SLC25A25: variants seen among roughly 807,000 people sequenced by gnomAD.
SLC25A25 encodes the protein mitochondrial adenyl nucleotide antiporter SLC25A25.
SLC25A25 carries 32 observed loss-of-function variants against 57.7 expected under a neutral mutation model. The ratio of observed to expected loss-of-function variants is 0.55; its 90% confidence interval spans 0.42 to 0.74. The LOEUF (loss-of-function observed/expected upper bound fraction) is 0.74. Among genes scored for constraint, SLC25A25 ranks in the 30% least tolerant of loss-of-function variants. The pLI, the probability that SLC25A25 is intolerant of heterozygous loss-of-function variation, is 0.00. For synonymous variants in SLC25A25, 306 were observed against 291.2 expected (o/e 1.05, Z -0.52); for missense variants, 556 against 701.3 (o/e 0.79, Z 2.34).
Position 128,103,761 on chromosome 9 carries a change from C to T in SLC25A25, c.705C>T (p.His235=). The change falls in exon 6 of 11, where the codon CAC becomes CAT. Residue 235 remains histidine, a synonymous_variant. Transcript: ENST00000373069. This position sits in a 1 kb window ranked among gnomAD's most constrained non-coding sequence, Gnocchi z 6.7. ...GGCAGACGGGGATGTGGTGGAGACA[C>T]CTGGTGGCAGGAGGTGGGGCAGGGG... ...EERQTGMWWR[H]LVAGGGAGAV... 6.2e-7 allele frequency: 1 copy of T among 1,614,072 alleles called. No individual in the cohort carries two copies. The highest frequency in any genetic ancestry group is 8.5e-7 in the Non-Finnish European group (1 of 1,179,988).
At chr9:128,070,084 ATTTTTTTT>A (rs71381724) in intron 1 of SLC25A25, among the ~76,000 whole-genome samples, 1 of 6,360 alleles carries the variant, frequency 1.6e-4, no homozygotes, top group Non-Finnish European at 3.8e-4. Context: ...CACCCAGCTA[ATTTTTTTT>A]TTTTTTTTTT....
At chr9:128,098,435 A>G in intron 1 of SLC25A25, 1 of 1,407,674 alleles carries the variant, frequency 7.1e-7, no homozygotes, top group Non-Finnish European at 9.3e-7. Flanking sequence ...TCAATTAAGT[A>G]AAAGGGCAGG....
At chr9:128,079,484 C>T (rs757127260) in intron 1 of SLC25A25, among the ~76,000 whole-genome samples, 3 of 145,178 alleles carry the variant, frequency 2.1e-5, no homozygotes, top group Non-Finnish European at 4.5e-5. Context: ...ACTGGCTGGG[C>T]GTTGTGGCTC....
rs561350806 is a variant in SLC25A25 at position 128,107,957 on chromosome 9, C to G, written c.*513C>G. ...ATGATGAAAGGTGAGGTCACGTGGC[C>G]TCCCAGGCCTGACTTCCCAACCTAC... On this transcript the variant is annotated 3_prime_UTR_variant, in exon 11 of 11. Coordinates refer to ENST00000373069, the MANE Select transcript of SLC25A25 (RefSeq NM_001330988.2). The G allele has an allele frequency of 2.5e-6, 1 of 399,076 alleles. No individual in the cohort carries two copies. Among genetic ancestry groups the G allele is most frequent in the Non-Finnish European group, 4.4e-6 (1 of 226,382 alleles). The allele number at this position is 399,076 out of a possible 1,614,324, so 24.7% of individuals were successfully genotyped here.
intron 1 of SLC25A25, chr9:128,098,419 CTT>C: frequency 7.3e-7 from 1 of 1,378,540 alleles, no homozygotes; most frequent in Non-Finnish European, 9.4e-7. Context: ...GGGCTTTTTT[CTT>C]TTTTCAATTA....
chr9:128,092,606 G>A (rs907818923), intron 1 of SLC25A25, among the ~76,000 whole-genome samples: 4 of 152,212 alleles, frequency 2.6e-5, no homozygotes, highest in South Asian at 2.1e-4. Flanking sequence ...AGGAGAGGCT[G>A]GAGTCATGAG....
chr9:128,076,143 A>AT (rs1833006385), intron 1 of SLC25A25, among the ~76,000 whole-genome samples: 1 of 151,930 alleles, frequency 6.6e-6, no homozygotes, highest in East Asian at 1.9e-4. Context: ...TTATTTATTT[A>AT]TTATTTGAAA....
rs371554030 is a variant in SLC25A25, at chr9:128,101,271, G to C, written c.389-38G>C. On this transcript the variant is annotated intron_variant, in intron 2 of 10. Transcript: ENST00000373069. This position sits in a 1 kb window ranked among gnomAD's most constrained non-coding sequence, Gnocchi z 4.9. ...GGCCGGTCCAGCCTCGGGCCTCCCC[G>C]TGCGCCTGGCTCCTGCTCACGGCCT... 1.7e-5 allele frequency: 27 copies of C among 1,614,094 alleles called. No individual in the cohort carries two copies. The African/African-American group carries it at 3.6e-4, about 22-fold the overall frequency.
Position 128,068,591 on chromosome 9 carries a change from C to T in SLC25A25, c.261+11C>T. 1 of 1,411,206 alleles carries T rather than the reference C, an allele frequency of 7.1e-7. No individual in the cohort carries two copies. Among genetic ancestry groups the T allele is most frequent in the South Asian group, 1.6e-5 (1 of 63,964 alleles). The allele number at this position is 1,411,206 out of a possible 1,614,324, so 87.4% of individuals were successfully genotyped here. A position where few individuals can be genotyped will look rare whatever the true frequency, so the allele number is the denominator to read the frequency against. ...GAGGGCGAGCTCCAGGTAGGCTGCGCGCGTCCTCAGCACTGGCGGGGAGGG... is the reference window on the plus strand; with the variant it reads ...GAGGGCGAGCTCCAGGTAGGCTGCGTGCGTCCTCAGCACTGGCGGGGAGGG... On this transcript the variant is annotated intron_variant, in intron 1 of 10. Coordinates refer to ENST00000373069, the MANE Select transcript of SLC25A25 (RefSeq NM_001330988.2).
In SLC25A25 at chr9:128,091,942, G is replaced by A. The variant is rs780122824; in HGVS notation, c.262-9154G>A. On this transcript the variant is annotated intron_variant, in intron 1 of 10. Transcript: ENST00000373069. ...CTGGGTGCCACGGCTCCAGAGAGGG[G>A]GACGATCGTGAAGTCAGAGGCACCC... 1.7e-5 allele frequency: 28 copies of A among 1,613,762 alleles called. 1 individual carries two copies. The highest frequency in any genetic ancestry group is 1.7e-5 in the Non-Finnish European group (20 of 1,179,864).
Position 128,095,883 on chromosome 9 carries a change from CT to C in SLC25A25, c.262-5209del, listed in dbSNP as rs1833543632. 1.3e-5 allele frequency among the ~76,000 whole-genome samples: 2 copies of C among 152,122 alleles called. No homozygotes were observed. Reference sequence around the variant, plus strand: ...AGTATCATTTTCAAATCTCAGATTTCTTTTGTTAAATACATTATAAAACTCA... The same window carrying C: ...AGTATCATTTTCAAATCTCAGATTTCTTTGTTAAATACATTATAAAACTCA... On this transcript the variant is annotated intron_variant, in intron 1 of 10. Coordinates refer to ENST00000373069, the MANE Select transcript of SLC25A25 (RefSeq NM_001330988.2). This position sits in a 1 kb window ranked among gnomAD's most constrained non-coding sequence, Gnocchi z 4.4.
At chr9:128,085,584 G>A (rs1489501982) in intron 1 of SLC25A25, among the ~76,000 whole-genome samples, 1 of 152,166 alleles carries the variant, frequency 6.6e-6, no homozygotes, top group Non-Finnish European at 1.5e-5. Context: ...AGGCATGATC[G>A]CTAACACCTA....
rs1315501906 is a variant in SLC25A25, at chr9:128,083,513, C to CTTT, written c.261+14945_261+14947dup. Reference sequence around the variant, plus strand: ...AATATTTCTTTTTTTTTTCTTTTTTCTTTTTTTTTTTTTTGAGATGAAGTC... The same window carrying CTTT: ...AATATTTCTTTTTTTTTTCTTTTTTCTTTTTTTTTTTTTTTTTGAGATGAAGTC... On this transcript the variant is annotated intron_variant, in intron 1 of 10. Transcript: ENST00000373069. Among the ~76,000 whole-genome samples, 722 of 117,464 alleles carry CTTT rather than the reference C, an allele frequency of 6.1e-3. 34 individuals are homozygous for CTTT. Among genetic ancestry groups the CTTT allele is most frequent in the African/African-American group, 0.019 (594 of 31,094 alleles). 77.1% of individuals were successfully genotyped at this position (117,464 alleles called of 152,430 possible).
chr9:128,100,968 C>G, intron 1 of SLC25A25, 128 bp from the exon 2 acceptor site: 2 of 1,266,884 alleles, frequency 1.6e-6, no homozygotes, highest in Non-Finnish European at 2.2e-6. Flanking sequence ...GGAGCAGAAG[C>G]ATCTTGGGTC....
chr9:128,099,782 T>C lies in SLC25A25; in HGVS notation c.262-1314T>C, dbSNP rs565040281. 3.3e-5 allele frequency among the ~76,000 whole-genome samples: 5 copies of C among 152,282 alleles called. No homozygotes were observed. In the East Asian group the frequency reaches 9.6e-4, roughly 29 times the overall value. ...ATCACAAGGCGCTGTCAGTAGTGTG[T>C]CTAAGAGAGAGGCGCGGTGGTGATC... On this transcript the variant is annotated intron_variant, in intron 1 of 10. Transcript: ENST00000373069. The surrounding 1 kb of genome is among the most constrained non-coding windows in gnomAD (Gnocchi z 6.8).
At chr9:128,079,179 AT>A (rs1781183096) in intron 1 of SLC25A25, among the ~76,000 whole-genome samples, 1 of 152,124 alleles carries the variant, frequency 6.6e-6, no homozygotes, top group South Asian at 2.1e-4. Flanking sequence ...GAGATAAATC[AT>A]GACTCATTTT....
intron 1 of SLC25A25, chr9:128,098,579 T>C: frequency 6.2e-7 from 1 of 1,614,074 alleles, no homozygotes; most frequent in South Asian, 1.1e-5. Flanking sequence ...GCTCTGTCTG[T>C]GCCTGTATGT....
At position 128,101,034 on chromosome 9, in the gene SLC25A25, A is replaced by C; in HGVS notation, c.262-62A>C. On this transcript the variant is annotated intron_variant, in intron 1 of 10. Transcript: ENST00000373069. The surrounding 1 kb of genome is among the most constrained non-coding windows in gnomAD (Gnocchi z 4.9). Reference sequence around the variant, plus strand: ...AGTCATTGCCTGGGGATGGGGCCCCACAAGGGACAAGGAAAGGCTGGTCCA... The same window carrying C: ...AGTCATTGCCTGGGGATGGGGCCCCCCAAGGGACAAGGAAAGGCTGGTCCA... The C allele has an allele frequency of 6.2e-7, 1 of 1,607,090 alleles. No homozygotes were observed. Among genetic ancestry groups the C allele is most frequent in the Admixed American group, 1.7e-5 (1 of 59,370 alleles).
At chr9:128,076,438 T>TTTTTTATTTTTATTTTTA (rs373449898) in intron 1 of SLC25A25, among the ~76,000 whole-genome samples, 2 of 136,116 alleles carry the variant, frequency 1.5e-5, no homozygotes, top group African/African-American at 6.4e-5. Flanking sequence ...GCCTAACTTT[T>TTTTTTATTTTTATTTTTA]TTTTTATTTT....
Sources: allele counts gnomAD v4.1 joint callset (sites outside exome capture counted in the v4.1 genomes callset), GRCh38; gene constraint gnomAD v4.1.1; non-coding constraint Gnocchi (gnomAD v3.1); transcripts MANE v1.5; gene names NCBI Gene and HGNC (gene_info 2026-07-23, HGNC 2026-07-21).